Variants in ROBO2 observed in about 807,000 individuals in gnomAD.
ROBO2 encodes the protein roundabout homolog 2.
A neutral mutation model predicts 160.8 loss-of-function variants in ROBO2; 53 were observed. That is an observed-to-expected ratio of 0.33 (90% CI 0.26 to 0.41). The LOEUF (loss-of-function observed/expected upper bound fraction) is 0.41, where lower values mean the gene tolerates loss of function less well. ROBO2 is among the 10% of genes least tolerant of loss of function. The pLI is 1.00. For missense variants in ROBO2, 1,577 were observed against 1,722.4 expected, an observed-to-expected ratio of 0.92 and a Z score of 1.49; for synonymous variants, 664 against 611.7, an observed-to-expected ratio of 1.09 and a Z score of -1.26.
At chr3:76,003,808 T>C (rs1367887613) in intron 2 of ROBO2, among the ~76,000 whole-genome samples, 3 of 152,212 alleles carry the variant, frequency 2.0e-5, no homozygotes, top group South Asian at 2.1e-4. Flanking sequence ...ACCACTGATA[T>C]ACCAGTGGCA....
At chr3:77,330,755 G>C (rs1581122352) in intron 2 of ROBO2, among the ~76,000 whole-genome samples, 1 of 152,128 alleles carries the variant, frequency 6.6e-6, no homozygotes, top group East Asian at 1.9e-4. Flanking sequence ...TGTGGGTTTT[G>C]ATCTGACCAC....
At chr3:76,713,709 G>A (rs184835527) in intron 2 of ROBO2, among the ~76,000 whole-genome samples, 289 of 152,264 alleles carry the variant, frequency 1.9e-3, no homozygotes, top group African/African-American at 6.6e-3. Context: ...TCTACTTCCA[G>A]TCACTTGGTA....
intron 2 of ROBO2, among the ~76,000 whole-genome samples, chr3:76,094,991 T>G (rs2069380107): frequency 6.6e-6 from 1 of 152,142 alleles, no homozygotes; most frequent in Non-Finnish European, 1.5e-5. Flanking sequence ...GATTATATAA[T>G]ATAAACAATA....
At chr3:77,477,446 G>A (rs2084148940) in exon 3 of ROBO2, 1 of 1,613,316 alleles carries the variant, frequency 6.2e-7, no homozygotes, top group African/African-American at 1.3e-5. Context: ...AAACCCCACA[G>A]ATGTTGTAGT....
Position 77,318,679 on chromosome 3 carries a change from G to A in ROBO2, c.389-158735G>A, listed in dbSNP as rs994258307. On this transcript the variant is annotated intron_variant, in intron 2 of 25. Transcript: ENST00000461745. ...CTCGATGTTCTCATCTATAAAATAA[G>A]GGGTTTACAAGGTCAACTACTAAAT... 3.3e-5 allele frequency among the ~76,000 whole-genome samples: 5 copies of A among 152,246 alleles called. No individual in the cohort carries two copies. The East Asian group carries it at 9.7e-4, about 29-fold the overall frequency.
chr3:76,857,478 AAT>A (rs1248860196), intron 2 of ROBO2, among the ~76,000 whole-genome samples: 3 of 152,160 alleles, frequency 2.0e-5, no homozygotes, highest in African/African-American at 7.2e-5. Context: ...TATTGAACTC[AAT>A]GCATTTATTT....
At chr3:76,608,044 AC>A (rs2087795273) in intron 2 of ROBO2, among the ~76,000 whole-genome samples, 1 of 152,236 alleles carries the variant, frequency 6.6e-6, no homozygotes, top group African/African-American at 2.4e-5. Flanking sequence ...AAGCAAACAA[AC>A]AAAACCCTCT....
rs1424211662 is a variant in ROBO2 at position 76,260,476 on chromosome 3, G to A, written c.109+322874G>A. Among the ~76,000 whole-genome samples, 3 of 152,044 alleles carry A rather than the reference G, an allele frequency of 2.0e-5. No homozygotes were observed. The East Asian group carries it at 5.8e-4, about 29-fold the overall frequency. On this transcript the variant is annotated intron_variant, in intron 2 of 26. Transcript: ENST00000487694. ...TACATCTTTGCTTTGATTAATATGT[G>A]GAAATTGGAAATATTTCAAGATCAT...
At chr3:76,191,426 T>C (rs1701998264) in intron 2 of ROBO2, among the ~76,000 whole-genome samples, 1 of 152,146 alleles carries the variant, frequency 6.6e-6, no homozygotes, top group African/African-American at 2.4e-5. Flanking sequence ...GAGGTTATCT[T>C]GCCTATCTTT....
intron 8 of ROBO2, 50 bp from the exon 10 acceptor site, chr3:77,557,894 T>G: frequency 7.0e-7 from 1 of 1,427,506 alleles, no homozygotes; most frequent in Non-Finnish European, 9.8e-7. Context: ...ATATCAAGCC[T>G]ACTGAACTAC....
intron 2 of ROBO2, among the ~76,000 whole-genome samples, chr3:76,227,342 C>T (rs2107451516): frequency 6.6e-6 from 1 of 152,170 alleles, no homozygotes; most frequent in East Asian, 1.9e-4. Context: ...CAATTTTCAC[C>T]CATGTTTCAG....
intron 2 of ROBO2, among the ~76,000 whole-genome samples, chr3:76,985,916 T>C (rs1421813200): frequency 3.9e-5 from 6 of 152,220 alleles, no homozygotes; most frequent in Non-Finnish European, 5.9e-5. Context: ...GGAAATCCCT[T>C]ACAAGGACAT....
intron 2 of ROBO2, among the ~76,000 whole-genome samples, chr3:76,217,674 G>T (rs1703648683): frequency 6.6e-6 from 1 of 152,098 alleles, no homozygotes; most frequent in Non-Finnish European, 1.5e-5. Context: ...ATAATTAATA[G>T]CTTACCAACC....
At chr3:77,070,795 A>G (rs1482882065) in intron 1 of ROBO2, among the ~76,000 whole-genome samples, 1 of 152,158 alleles carries the variant, frequency 6.6e-6, no homozygotes, top group East Asian at 1.9e-4. Flanking sequence ...TTACATTTCA[A>G]AGAGGTATCT....
At chr3:75,920,201 T>C (rs1946976836) in intron 1 of ROBO2, among the ~76,000 whole-genome samples, 1 of 152,238 alleles carries the variant, frequency 6.6e-6, no homozygotes, top group South Asian at 2.1e-4. Context: ...CTGTTTTACC[T>C]GTGTCCCAGA....
intron 2 of ROBO2, among the ~76,000 whole-genome samples, chr3:77,426,223 G>A (rs536820751): frequency 1.0e-3 from 155 of 152,228 alleles, no homozygotes; most frequent in African/African-American, 3.4e-3. Flanking sequence ...ACATTGAGCT[G>A]TAAGGACTCC....
intron 6 of ROBO2, among the ~76,000 whole-genome samples, chr3:77,532,854 A>T (rs775758): frequency 0.56 from 85,270 of 151,686 alleles, 24,071 homozygotes; most frequent in Middle Eastern, 0.64. Flanking sequence ...CATTTAGACG[A>T]TGCCTAAGTT....
At chr3:76,108,225 T>G (rs1359211764) in intron 2 of ROBO2, among the ~76,000 whole-genome samples, 1 of 152,074 alleles carries the variant, frequency 6.6e-6, no homozygotes, top group Non-Finnish European at 1.5e-5. Flanking sequence ...AGTTTGACGT[T>G]GAAATTTTTA....
chr3:77,278,667 T>C (rs985308395), intron 2 of ROBO2, among the ~76,000 whole-genome samples: 9 of 152,164 alleles, frequency 5.9e-5, no homozygotes, highest in Non-Finnish European at 1.5e-5. Flanking sequence ...CCAAAGTGCA[T>C]TTTAAATACT....
Sources: allele counts gnomAD v4.1 joint callset (sites outside exome capture counted in the v4.1 genomes callset), GRCh38; gene constraint gnomAD v4.1.1; transcripts MANE v1.5; gene names NCBI Gene and HGNC (gene_info 2026-07-23, HGNC 2026-07-21).